Variants in ACER2 observed in about 807,000 individuals in gnomAD.
The protein encoded by ACER2 is alkaline ceramidase 2.
A neutral mutation model predicts 34.7 loss-of-function variants in ACER2; 26 were observed. The observed-to-expected ratio is 0.75, with a 90% CI of 0.55 to 1.04. ACER2 has a LOEUF of 1.04. Ranked by LOEUF, ACER2 falls within the 50% of genes least tolerant of loss-of-function variation. The pLI is 0.00. For synonymous variants in ACER2, 138 were observed against 132.1 expected (o/e 1.04, Z -0.31); for missense variants, 352 against 340.8 (o/e 1.03, Z -0.26).
intron 1 of ACER2, among the ~76,000 whole-genome samples, chr9:19,419,537 A>T (rs1319776067): frequency 6.6e-6 from 1 of 152,168 alleles, no homozygotes; most frequent in African/African-American, 2.4e-5. Context: ...AGATTGAGGC[A>T]GGCGGATCAC....
At chr9:19,441,445 C>T (rs1589063246) in intron 4 of ACER2, among the ~76,000 whole-genome samples, 1 of 152,300 alleles carries the variant, frequency 6.6e-6, no homozygotes, top group East Asian at 1.9e-4. Flanking sequence ...TGATCACTCC[C>T]ACAAGAAGCT....
chr9:19,414,549 G>A (rs924772843), intron 1 of ACER2, among the ~76,000 whole-genome samples: 5 of 152,150 alleles, frequency 3.3e-5, no homozygotes, highest in Admixed American at 3.3e-4. Context: ...TTAGGAGGCT[G>A]AGGCTGGCAG....
intron 1 of ACER2, among the ~76,000 whole-genome samples, chr9:19,418,471 G>A (rs2132465383): frequency 6.6e-6 from 1 of 152,320 alleles, no homozygotes; most frequent in African/African-American, 2.4e-5. Context: ...TGATAGACTG[G>A]ATAAAGAAAA....
intron 1 of ACER2, among the ~76,000 whole-genome samples, chr9:19,412,740 T>A (rs1361406428): frequency 6.6e-6 from 1 of 152,122 alleles, no homozygotes; most frequent in African/African-American, 2.4e-5. Flanking sequence ...GTGTAAACTC[T>A]TATGTACCTT....
intron 5 of ACER2, among the ~76,000 whole-genome samples, chr9:19,449,832 C>T (rs1485579030): frequency 2.1e-5 from 3 of 145,210 alleles, no homozygotes; most frequent in Non-Finnish European, 3.0e-5. Context: ...GCAGAGGTTG[C>T]AGTGAGCCGA....
chr9:19,413,372 G>A (rs1830146671), intron 1 of ACER2, among the ~76,000 whole-genome samples: 1 of 152,192 alleles, frequency 6.6e-6, no homozygotes, highest in African/African-American at 2.4e-5. Context: ...GCTGAAGTGG[G>A]AGGATCACTT....
In ACER2 at chr9:19,451,920, G is replaced by A. The variant is rs955847850; in HGVS notation, c.*1284G>A. 5 of 149,262 alleles carry A rather than the reference G, an allele frequency of 3.3e-5. No individual in the cohort carries two copies. The highest frequency in any genetic ancestry group is 3.0e-5 in the Non-Finnish European group (2 of 66,882). The allele number at this position is 149,262 out of a possible 1,614,324, so 9.2% of individuals were successfully genotyped here. A position where few individuals can be genotyped will look rare whatever the true frequency, so the allele number is the denominator to read the frequency against. ...CGCTTGCAGTAGAAGGTGCTTTCTCGGTTTCCCAGAGTATCCAACGGCTCA... is the reference window on the plus strand; with the variant it reads ...CGCTTGCAGTAGAAGGTGCTTTCTCAGTTTCCCAGAGTATCCAACGGCTCA... On this transcript the variant is annotated 3_prime_UTR_variant, in exon 6 of 6. Coordinates refer to ENST00000340967, the MANE Select transcript of ACER2 (RefSeq NM_001010887.3).
At chr9:19,426,191 G>A (rs1371388961) in intron 3 of ACER2, among the ~76,000 whole-genome samples, 1 of 150,216 alleles carries the variant, frequency 6.7e-6, no homozygotes, top group East Asian at 1.9e-4. Flanking sequence ...AGGAACAGCC[G>A]CTTTTACCTT....
chr9:19,444,174 G>GA lies in ACER2; in HGVS notation c.504-2096dup, dbSNP rs1313502163. 3.9e-3 allele frequency among the ~76,000 whole-genome samples: 345 copies of GA among 89,092 alleles called. 2 individuals carry two copies. The highest frequency in any genetic ancestry group is 0.011 in the African/African-American group (267 of 24,100). The allele number at this position is 89,092 out of a possible 152,430, so 58.4% of individuals were successfully genotyped here. On this transcript the variant is annotated intron_variant, in intron 4 of 5. Coordinates refer to ENST00000340967, the MANE Select transcript of ACER2 (RefSeq NM_001010887.3). ...TGAGCTAAAAAAAAAAAAAAGAAAA[G>GA]AAAAAAAAAAAGAAAGTCGCAAAAA...
At chr9:19,441,267 T>C (rs1211328847) in intron 4 of ACER2, among the ~76,000 whole-genome samples, 1 of 152,110 alleles carries the variant, frequency 6.6e-6, no homozygotes, top group African/African-American at 2.4e-5. Context: ...GCCAGGATGG[T>C]CTCAATCTGC....
Position 19,409,197 on chromosome 9 carries a change from G to C in ACER2, c.108+5G>C. ...ATCGCCGAGTTCTACAACACGGTGC[G>C]GGGCGCGGGAGCGGGGAAGGCAGGC... On this transcript the variant is annotated splice_donor_5th_base_variant and intron_variant, in intron 1 of 5. Transcript: ENST00000340967. 3 of 1,577,578 alleles carry C rather than the reference G, an allele frequency of 1.9e-6. No individual in the cohort carries two copies. Among genetic ancestry groups the C allele is most frequent in the South Asian group, 1.2e-5 (1 of 86,174 alleles).
chr9:19,431,830 T>C (rs1830763836), intron 3 of ACER2, among the ~76,000 whole-genome samples: 1 of 152,260 alleles, frequency 6.6e-6, no homozygotes, highest in African/African-American at 2.4e-5. Flanking sequence ...ATTTAAAAGA[T>C]AAATTTGTAT....
intron 1 of ACER2, among the ~76,000 whole-genome samples, chr9:19,411,922 A>T (rs1563869928): frequency 6.6e-6 from 1 of 152,160 alleles, no homozygotes. Context: ...GGTGCTATTT[A>T]TTATATCCAT....
chr9:19,427,341 A>G (rs1352555392), intron 3 of ACER2, among the ~76,000 whole-genome samples: 1 of 152,242 alleles, frequency 6.6e-6, no homozygotes, highest in Non-Finnish European at 1.5e-5. Flanking sequence ...GAGCAAAGAA[A>G]TAAAAGGTAC....
chr9:19,446,185 C>T (rs1387331347), intron 4 of ACER2, 96 bp from the exon 5 acceptor site: 4 of 1,560,162 alleles, frequency 2.6e-6, no homozygotes, highest in Admixed American at 1.7e-5. Flanking sequence ...GGGTTGTAGG[C>T]ATGAGAGGAA....
intron 5 of ACER2, among the ~76,000 whole-genome samples, chr9:19,448,285 A>G (rs1173949611): frequency 6.6e-6 from 1 of 152,118 alleles, no homozygotes; most frequent in Non-Finnish European, 1.5e-5. Flanking sequence ...AAGTGCTGGG[A>G]TTACAGGCAT....
At position 19,451,672 on chromosome 9, in the gene ACER2, A is replaced by G. The variant is rs1336700485; in HGVS notation, c.*1036A>G. 1.3e-5 allele frequency: 2 copies of G among 152,232 alleles called. No individual in the cohort carries two copies. Among genetic ancestry groups the G allele is most frequent in the African/African-American group, 4.8e-5 (2 of 41,446 alleles). 9.4% of individuals were successfully genotyped at this position (152,232 alleles called of 1,614,324 possible). On this transcript the variant is annotated 3_prime_UTR_variant, in exon 6 of 6. Coordinates refer to ENST00000340967, the MANE Select transcript of ACER2 (RefSeq NM_001010887.3). ...AGAGAAGAAGAATTATGGCATGAACATTCCCACAGACCCACCATCTTTAAG... is the reference window on the plus strand; with the variant it reads ...AGAGAAGAAGAATTATGGCATGAACGTTCCCACAGACCCACCATCTTTAAG...
chr9:19,421,352 T>C (rs1830401985), intron 1 of ACER2, among the ~76,000 whole-genome samples: 1 of 152,194 alleles, frequency 6.6e-6, no homozygotes, highest in Non-Finnish European at 1.5e-5. Flanking sequence ...ACAATTAATG[T>C]ATGAATAGAC....
intron 5 of ACER2, among the ~76,000 whole-genome samples, chr9:19,448,544 T>C (rs1831452706): frequency 1.3e-5 from 2 of 152,166 alleles, no homozygotes; most frequent in Admixed American, 1.3e-4. Context: ...TCTAGATTGA[T>C]TTGAGTTTCT....
Sources: gnomAD v4.1 joint callset for allele counts (sites outside exome capture counted in the v4.1 genomes callset) on GRCh38, gnomAD v4.1.1 for gene constraint, MANE v1.5 for transcripts, NCBI Gene and HGNC (gene_info 2026-07-23, HGNC 2026-07-21) for gene names.